Variants in PTPRJ observed in about 807,000 individuals in gnomAD.
The protein encoded by PTPRJ is protein tyrosine phosphatase receptor type J.
Under a neutral mutation model 141.3 loss-of-function variants are expected in PTPRJ, and 129 were observed. The observed-to-expected ratio is 0.91, with a 90% CI of 0.79 to 1.06. The LOEUF (loss-of-function observed/expected upper bound fraction) is 1.06. Among genes scored for constraint, PTPRJ ranks in the 50% least tolerant of loss-of-function variants. The pLI is 0.00. For synonymous variants in PTPRJ, 610 were observed against 640.5 expected, an observed-to-expected ratio of 0.95 and a Z score of 0.72; for missense variants, 1,601 against 1,679.7, an observed-to-expected ratio of 0.95 and a Z score of 0.82.
At chr11:47,987,183 C>T (rs548459847) in intron 1 of PTPRJ, among the ~76,000 whole-genome samples, 28 of 151,548 alleles carry the variant, frequency 1.8e-4, no homozygotes, top group Admixed American at 7.9e-4. Flanking sequence ...CACTCCAACC[C>T]AGGCAACAGA....
At chr11:47,981,643 T>A (rs1681610) in intron 1 of PTPRJ, among the ~76,000 whole-genome samples, 2,382 of 152,332 alleles carry the variant, frequency 0.016, 77 homozygotes, top group African/African-American at 0.055. Context: ...GGTGTTTAAT[T>A]CGTGCTTTGT....
chr11:48,096,642 C>CT (rs1482783126), intron 1 of PTPRJ: 1 of 154,340 alleles, frequency 6.5e-6, no homozygotes, highest in Non-Finnish European at 1.5e-5. Context: ...CCCCCCAGAG[C>CT]TGTTGAGGCC....
chr11:48,024,856 G>T (rs189771039), intron 1 of PTPRJ, among the ~76,000 whole-genome samples: 46 of 152,240 alleles, frequency 3.0e-4, no homozygotes, highest in African/African-American at 1.0e-3. Flanking sequence ...TCATTCAGCT[G>T]CATTTCTTGA....
Position 48,167,444 on chromosome 11 carries a change from T to C in PTPRJ, c.*82T>C. The C allele has an allele frequency of 1.4e-6, 2 of 1,416,896 alleles. No homozygotes were observed. The highest frequency in any genetic ancestry group is 1.9e-6 in the Non-Finnish European group (2 of 1,028,716). 87.8% of individuals were successfully genotyped at this position (1,416,896 alleles called of 1,614,324 possible). On this transcript the variant is annotated 3_prime_UTR_variant, in exon 25 of 25. Coordinates refer to ENST00000418331, the MANE Select transcript of PTPRJ (RefSeq NM_002843.4). ...ACATGCCCCGATGTCGACATGTTTT[T>C]ATATGTCTAATATCTTAATTCTTTG...
rs1294049173 is a variant in PTPRJ, at chr11:48,053,705, C to T, written c.97-56353C>T. 4.7e-5 allele frequency among the ~76,000 whole-genome samples: 7 copies of T among 148,300 alleles called. No homozygotes were observed. In the East Asian group the frequency reaches 1.2e-3, roughly 25 times the overall value. ...GCTTCTCCTGCCTCAGCCTCCCAAG[C>T]AGCTGGGATTACAGGTGTGTGCCAC... On this transcript the variant is annotated intron_variant, in intron 1 of 24. Transcript: ENST00000418331.
At chr11:48,122,194 A>T (rs905479) in intron 4 of PTPRJ, among the ~76,000 whole-genome samples, 2 of 152,204 alleles carry the variant, frequency 1.3e-5, no homozygotes, top group African/African-American at 4.8e-5. Flanking sequence ...TAGGGGGGAA[A>T]ACCTGCCATA....
chr11:48,064,416 C>T (rs7943570), intron 1 of PTPRJ, among the ~76,000 whole-genome samples: 30,960 of 152,030 alleles, frequency 0.2, 6,111 homozygotes, highest in African/African-American at 0.52. Context: ...GCTGGGCTGA[C>T]ACCGGGCAGC....
intron 22 of PTPRJ, 107 bp downstream of exon 22, chr11:48,160,156 G>T: frequency 6.9e-7 from 1 of 1,455,226 alleles, no homozygotes; most frequent in East Asian, 2.3e-5. Context: ...TATGCAGTGA[G>T]AAATGTTTTG....
intron 1 of PTPRJ, among the ~76,000 whole-genome samples, chr11:48,000,974 C>T (rs1187456975): frequency 1.3e-5 from 2 of 148,794 alleles, no homozygotes; most frequent in Non-Finnish European, 3.0e-5. Context: ...CTCTTCCAGT[C>T]CCATATAATT....
At chr11:48,072,097 G>T (rs1855276591) in intron 1 of PTPRJ, among the ~76,000 whole-genome samples, 1 of 151,912 alleles carries the variant, frequency 6.6e-6, no homozygotes, top group Non-Finnish European at 1.5e-5. Context: ...TACAGACGGG[G>T]TTTCACCATG....
At chr11:48,146,829 T>G (rs377558401) in intron 14 of PTPRJ, 47 bp from the exon 15 acceptor site, 1 of 1,514,102 alleles carries the variant, frequency 6.6e-7, no homozygotes, top group East Asian at 2.3e-5. Context: ...CATTGTGTGG[T>G]CTGCATGAAC....
intron 1 of PTPRJ, among the ~76,000 whole-genome samples, chr11:48,068,644 T>C (rs1236233765): frequency 6.6e-6 from 1 of 152,192 alleles, no homozygotes; most frequent in Non-Finnish European, 1.5e-5. Context: ...ACCTTGGCTG[T>C]AGGGAGTTTG....
chr11:48,126,825 A>G (rs1590534633), intron 6 of PTPRJ, among the ~76,000 whole-genome samples: 1 of 134,392 alleles, frequency 7.4e-6, no homozygotes, highest in African/African-American at 3.2e-5. Flanking sequence ...CACACAGATA[A>G]ACACACATTT....
At chr11:48,069,972 A>C (rs1855200032) in intron 1 of PTPRJ, among the ~76,000 whole-genome samples, 1 of 152,240 alleles carries the variant, frequency 6.6e-6, no homozygotes, top group African/African-American at 2.4e-5. Context: ...CAAAATCATC[A>C]GTGAAAATCA....
rs927805012 is a variant in PTPRJ, at chr11:48,169,843, C to T, written c.*2481C>T. 6.6e-6 allele frequency: 1 copy of T among 152,228 alleles called. No homozygotes were observed. The highest frequency in any genetic ancestry group is 2.4e-5 in the African/African-American group (1 of 41,442). 9.4% of individuals were successfully genotyped at this position (152,228 alleles called of 1,614,324 possible). On this transcript the variant is annotated 3_prime_UTR_variant, in exon 25 of 25. Transcript: ENST00000418331. ...GCGGCCCCAGCAATCATGGGAGGAA[C>T]TCTTGCGGGGGAGCGGTCTGGGATT... is the stretch of plus-strand genomic sequence containing the variant.
intron 1 of PTPRJ, among the ~76,000 whole-genome samples, chr11:48,018,783 C>T (rs891108398): frequency 1.1e-4 from 16 of 152,076 alleles, no homozygotes; most frequent in African/African-American, 1.7e-4. Flanking sequence ...AGTGACAGCC[C>T]CTTTTATTTC....
chr11:48,135,975 T>TG, intron 8 of PTPRJ, 64 bp from the exon 9 acceptor site: 1 of 1,566,476 alleles, frequency 6.4e-7, no homozygotes, highest in African/African-American at 1.3e-5. Context: ...CGACAGCACT[T>TG]GGAGAGGAAG....
chr11:48,164,057 T>C (rs1053419041), intron 23 of PTPRJ, among the ~76,000 whole-genome samples: 11 of 152,194 alleles, frequency 7.2e-5, no homozygotes, highest in African/African-American at 2.7e-4. Flanking sequence ...GGGGCTCTGT[T>C]GCCCAGTGGG....
At chr11:48,130,369 T>C in intron 7 of PTPRJ, 90 bp from the exon 8 acceptor site, 1 of 1,321,320 alleles carries the variant, frequency 7.6e-7, no homozygotes, top group Non-Finnish European at 1.0e-6. Flanking sequence ...GTCCTAAGTG[T>C]ACATTTCATC....
Sources: gnomAD v4.1 joint callset for allele counts (sites outside exome capture counted in the v4.1 genomes callset) on GRCh38, gnomAD v4.1.1 for gene constraint, MANE v1.5 for transcripts, NCBI Gene and HGNC (gene_info 2026-07-23, HGNC 2026-07-21) for gene names.